The following SLC3A1 variants were observed in gnomAD, a reference collection of about 807,000 sequenced individuals.
The protein encoded by SLC3A1 is solute carrier family 3 member 1, also known as amino acid transporter heavy chain SLC3A1.
SLC3A1 carries 78 observed loss-of-function variants against 60.3 expected under a neutral mutation model. The observed-to-expected ratio is 1.29, with a 90% CI of 1.08 to 1.56. SLC3A1 has a LOEUF of 1.56. Ranked by LOEUF, SLC3A1 falls within the 40% of genes most tolerant of loss-of-function variation. SLC3A1 has a pLI of 0.00. For synonymous variants in SLC3A1, 392 were observed against 307.9 expected, an observed-to-expected ratio of 1.27 and a Z score of -2.86; for missense variants, 1,172 against 858.9, an observed-to-expected ratio of 1.36 and a Z score of -4.56.
At chr2:44,276,089 C>T in intron 1 of SLC3A1, 124 bp downstream of exon 1, 1 of 828,370 alleles carries the variant, frequency 1.2e-6, no homozygotes, top group Non-Finnish European at 2.0e-6. Context: ...ACTGGTCATG[C>T]CAAGTTGCTC....
intron 4 of SLC3A1, among the ~76,000 whole-genome samples, chr2:44,296,050 C>A (rs1671839158): frequency 6.6e-6 from 1 of 152,164 alleles, no homozygotes; most frequent in South Asian, 2.1e-4. Context: ...GGTCTTGAAG[C>A]TTAAGTTTGG....
chr2:44,294,465 T>C (rs1188837971), intron 4 of SLC3A1, among the ~76,000 whole-genome samples: 2 of 149,184 alleles, frequency 1.3e-5, no homozygotes, highest in African/African-American at 5.0e-5. Context: ...ATCACACCAC[T>C]GTACGCCAGC....
chr2:44,309,953 G>A (rs1186339131), intron 7 of SLC3A1, among the ~76,000 whole-genome samples: 4 of 151,426 alleles, frequency 2.6e-5, no homozygotes, highest in Non-Finnish European at 5.9e-5. Flanking sequence ...GCACTGTGGT[G>A]TGAACATGGC....
rs1671478659 is a variant in SLC3A1, at chr2:44,280,784, A to C, written c.499A>C (p.Lys167Gln). Residue 167 changes from lysine (K) to glutamine (Q), a missense_variant, in exon 2 of 10, where the codon AAA becomes CAA. Lys to Gln is a moderately conservative substitution (Grantham distance 53, BLOSUM62 1). Transcript: ENST00000260649. ...IKTVWITSFYKSSLKDFRYGV... is the reference protein window; with the variant it reads ...IKTVWITSFYQSSLKDFRYGV... ...AACTGTTTGGATTACTTCATTTTAT[A>C]AATCGTCCCTTAAAGATTTCAGATA... The C allele has an allele frequency of 6.2e-7, 1 of 1,612,154 alleles. No individual in the cohort carries two copies. Among genetic ancestry groups the C allele is most frequent in the Admixed American group, 1.7e-5 (1 of 60,000 alleles).
chr2:44,276,422 TC>T (rs1671342746), intron 1 of SLC3A1, among the ~76,000 whole-genome samples: 1 of 152,144 alleles, frequency 6.6e-6, no homozygotes, highest in South Asian at 2.1e-4. Flanking sequence ...TTTTTAAAAA[TC>T]AAGTGATATC....
rs1274971346 is a variant in SLC3A1 at position 44,305,929 on chromosome 2, G to A, written c.1332+1591G>A. On this transcript the variant is annotated intron_variant, in intron 7 of 9. Coordinates refer to ENST00000260649, the MANE Select transcript of SLC3A1 (RefSeq NM_000341.4). ...CTACCTATTGTATACTATAGCACCC[G>A]TTCATTCTCTTTCCTTAAAGTCCAC... Among the ~76,000 whole-genome samples, 7 of 152,136 alleles carry A rather than the reference G, an allele frequency of 4.6e-5. No individual in the cohort carries two copies. In the East Asian group the frequency reaches 1.4e-3, roughly 29 times the overall value.
intron 4 of SLC3A1, among the ~76,000 whole-genome samples, chr2:44,294,886 G>A (rs1671815167): frequency 6.6e-6 from 1 of 152,058 alleles, no homozygotes; most frequent in African/African-American, 2.4e-5. Flanking sequence ...TCAAGATGAT[G>A]TCTTCTGTTT....
At chr2:44,277,232 C>T (rs1671369133) in intron 1 of SLC3A1, among the ~76,000 whole-genome samples, 1 of 151,306 alleles carries the variant, frequency 6.6e-6, no homozygotes, top group African/African-American at 2.4e-5. Flanking sequence ...CTCAGCGTTC[C>T]GAGTAGCAGG....
At chr2:44,297,558 C>T (rs947930327) in intron 4 of SLC3A1, among the ~76,000 whole-genome samples, 1 of 152,206 alleles carries the variant, frequency 6.6e-6, no homozygotes. Flanking sequence ...GAGGTGTCTC[C>T]TCTCATGAGG....
rs1456527890 is a variant in SLC3A1, at chr2:44,311,558, T to C, written c.1333-1028T>C. On this transcript the variant is annotated intron_variant, in intron 7 of 9. Coordinates refer to ENST00000260649, the MANE Select transcript of SLC3A1 (RefSeq NM_000341.4). ...TGTTGTGCTCTATGTCCAGAAGTCT[T>C]GAGAAATCAAAGGGTTTCTTGTCAG... Among the ~76,000 whole-genome samples, 3 of 152,278 alleles carry C rather than the reference T, an allele frequency of 2.0e-5. No individual in the cohort carries two copies. The South Asian group carries it at 6.2e-4, about 32-fold the overall frequency.
At chr2:44,282,284 C>T (rs1347193876) in intron 3 of SLC3A1, among the ~76,000 whole-genome samples, 1 of 152,134 alleles carries the variant, frequency 6.6e-6, no homozygotes, top group East Asian at 1.9e-4. Context: ...TCTCTGGAGA[C>T]ATCACACCTT....
chr2:44,276,693 C>T lies in SLC3A1; in HGVS notation c.430+728C>T, dbSNP rs144746907. Among the ~76,000 whole-genome samples, 1,103 of 150,826 alleles carry T rather than the reference C, an allele frequency of 7.3e-3. 10 individuals are homozygous for T. Among genetic ancestry groups the T allele is most frequent in the African/African-American group, 0.026 (1,048 of 40,982 alleles). On this transcript the variant is annotated intron_variant, in intron 1 of 9. Coordinates refer to ENST00000260649, the MANE Select transcript of SLC3A1 (RefSeq NM_000341.4). ...CAGCTTAGGCAACATAGGGAGACCC[C>T]GTCTCCAAAAAGAAAAAAAAAAAAG...
At chr2:44,311,088 C>A (rs901740700) in intron 7 of SLC3A1, among the ~76,000 whole-genome samples, 3 of 152,108 alleles carry the variant, frequency 2.0e-5, no homozygotes, top group African/African-American at 7.3e-5. Flanking sequence ...AGCCACAGTG[C>A]CTGGCCTCAT....
chr2:44,307,891 A>G (rs1438696460), intron 7 of SLC3A1, among the ~76,000 whole-genome samples: 3 of 152,138 alleles, frequency 2.0e-5, no homozygotes, highest in African/African-American at 7.2e-5. Flanking sequence ...TATATTAGAA[A>G]CCATTGCCTG....
At chr2:44,286,596 G>C (rs540433507) in intron 4 of SLC3A1, among the ~76,000 whole-genome samples, 1 of 81,932 alleles carries the variant, frequency 1.2e-5, no homozygotes, top group South Asian at 4.3e-4. Context: ...GAGCTGTGCG[G>C]TGTCTGTGAC....
chr2:44,288,948 C>A (rs6743551), intron 4 of SLC3A1, among the ~76,000 whole-genome samples: 7,014 of 151,972 alleles, frequency 0.046, 516 homozygotes, highest in African/African-American at 0.15. Flanking sequence ...GATTCTTGCG[C>A]CTCAGCTTCC....
At position 44,312,643 on chromosome 2, in the gene SLC3A1, G is replaced by C; in HGVS notation, c.1390G>C (p.Val464Leu). The C allele has an allele frequency of 6.2e-7, 1 of 1,613,828 alleles. No individual in the cohort carries two copies. Among genetic ancestry groups the C allele is most frequent in the Non-Finnish European group, 8.5e-7 (1 of 1,179,760 alleles). The change falls in exon 8 of 10, where the codon GTG (valine) becomes CTG (leucine). Residue 464 changes from valine (V) to leucine (L), a missense_variant. Transcript: ENST00000260649. ...GCGTTTGGGGAATCAGTATGTCAAC[G>C]TGATGAACATGCTTCTTTTCACACT... The part of the protein sequence containing the change: ...TSRLGNQYVN[V>L]MNMLLFTLPG...
intron 7 of SLC3A1, among the ~76,000 whole-genome samples, chr2:44,307,694 G>T (rs902014570): frequency 3.3e-5 from 5 of 151,762 alleles, no homozygotes; most frequent in African/African-American, 4.8e-5. Flanking sequence ...ATTAAATTTG[G>T]TTGTCTTTTT....
At chr2:44,306,040 A>C (rs1259230575) in intron 7 of SLC3A1, among the ~76,000 whole-genome samples, 1 of 152,198 alleles carries the variant, frequency 6.6e-6, no homozygotes. Context: ...CACGGTGCCC[A>C]CCTCACACGG....
Sources: gnomAD v4.1 joint callset for allele counts (sites outside exome capture counted in the v4.1 genomes callset) on GRCh38, gnomAD v4.1.1 for gene constraint, MANE v1.5 for transcripts, NCBI Gene and HGNC (gene_info 2026-07-23, HGNC 2026-07-21) for gene names.